CDKL5: variants seen among roughly 807,000 people sequenced by gnomAD.
CDKL5 encodes cyclin dependent kinase like 5, also known as cyclin-dependent kinase-like 5.
In CDKL5, 8 loss-of-function variants were observed where a neutral mutation model predicts 61.7. The ratio of observed to expected loss-of-function variants is 0.13; its 90% CI spans 0.08 to 0.23. The LOEUF is 0.23. Ranked by LOEUF, CDKL5 falls within the 10% of genes least tolerant of loss-of-function variation. CDKL5 has a pLI of 1.00. For synonymous variants in CDKL5, 275 were observed against 272.3 expected, an observed-to-expected ratio of 1.01 and a Z score of -0.10; for missense variants, 440 against 734.5, an observed-to-expected ratio of 0.60 and a Z score of 4.63.
At chrX:18,540,200 C>T (rs1231065760) in intron 3 of CDKL5, among the ~76,000 whole-genome samples, 4 of 110,814 alleles carry the variant, frequency 3.6e-5, no homozygotes, top group African/African-American at 1.3e-4. Context: ...GACAGGGTCT[C>T]ATTTTGTCAC....
chrX:18,595,966 A>G (rs1217625243), intron 10 of CDKL5, among the ~76,000 whole-genome samples: 3 of 111,287 alleles, frequency 2.7e-5, no homozygotes, highest in African/African-American at 6.5e-5. Context: ...TTCCTGCTCT[A>G]TACTCTAAAA....
chrX:18,484,329 G>T lies in CDKL5; in HGVS notation c.-162-22606G>T, dbSNP rs762456677. ...TATGCATAATCAATTCTTTTTTTTT[G>T]GGGGGGGGACAGTCTCGCCCTGTCG... is the stretch of plus-strand genomic sequence containing the variant. On this transcript the variant is annotated intron_variant, in intron 1 of 17. Transcript: ENST00000623535. 2.4e-3 allele frequency among the ~76,000 whole-genome samples: 244 copies of T among 100,593 alleles called. 5 individuals are homozygous for T. Among genetic ancestry groups the T allele is most frequent in the Admixed American group, 5.2e-3 (50 of 9,528 alleles). 87.4% of individuals were successfully genotyped at this position (100,593 alleles called of 115,157 possible).
intron 17 of CDKL5, among the ~76,000 whole-genome samples, chrX:18,625,670 A>G (rs1233121490): frequency 8.9e-6 from 1 of 112,205 alleles, no homozygotes; most frequent in Non-Finnish European, 1.9e-5. Flanking sequence ...GACAGGTATG[A>G]TAAGTTTTCT....
chrX:18,561,656 C>G (rs186126293), intron 3 of CDKL5, among the ~76,000 whole-genome samples: 1 of 110,236 alleles, frequency 9.1e-6, no homozygotes, highest in African/African-American at 3.3e-5. Flanking sequence ...CTAGAGTCCA[C>G]TAGAAATCTC....
At chrX:18,556,361 A>G (rs1376996116) in intron 3 of CDKL5, among the ~76,000 whole-genome samples, 2 of 111,754 alleles carry the variant, frequency 1.8e-5, no homozygotes, top group Non-Finnish European at 3.8e-5. Context: ...AACAAAATTT[A>G]CATACACATG....
intron 1 of CDKL5, among the ~76,000 whole-genome samples, chrX:18,504,583 G>A: frequency 8.9e-6 from 1 of 111,796 alleles, no homozygotes; most frequent in South Asian, 3.7e-4. Flanking sequence ...TCAGTGTATG[G>A]AAGGGCACTC....
chrX:18,579,735 T>TAA, intron 5 of CDKL5, 113 bp from the exon 6 acceptor site: 4 of 647,184 alleles, frequency 6.2e-6, no homozygotes, highest in Non-Finnish European at 7.0e-6. Context: ...GCAAAACAAT[T>TAA]AAAAAAAAAA....
At chrX:18,574,027 C>T (rs7876407) in intron 4 of CDKL5, among the ~76,000 whole-genome samples, 1,897 of 111,017 alleles carry the variant, frequency 0.017, 49 homozygotes, top group African/African-American at 0.058. Context: ...GTTAGAGAGC[C>T]TTTCTTCTAG....
intron 1 of CDKL5, among the ~76,000 whole-genome samples, chrX:18,447,484 C>A (rs1317767280): frequency 9.0e-6 from 1 of 111,674 alleles, no homozygotes; most frequent in Non-Finnish European, 1.9e-5. Flanking sequence ...CCCACCCCCA[C>A]CGCTGCTTAA....
intron 1 of CDKL5, among the ~76,000 whole-genome samples, chrX:18,464,350 A>G (rs1407622001): frequency 9.0e-6 from 1 of 111,048 alleles, no homozygotes; most frequent in Non-Finnish European, 1.9e-5. Context: ...CTAAAGTACT[A>G]GAATTACAGA....
intron 5 of CDKL5, among the ~76,000 whole-genome samples, chrX:18,575,758 GTAATTTT>G: frequency 8.9e-6 from 1 of 112,324 alleles, no homozygotes; most frequent in East Asian, 2.8e-4. Context: ...TGTTCAACAA[GTAATTTT>G]TAGACTTGAC....
chrX:18,509,722 C>T (rs928286185), intron 2 of CDKL5, among the ~76,000 whole-genome samples: 4 of 111,758 alleles, frequency 3.6e-5, no homozygotes, highest in African/African-American at 9.8e-5. Flanking sequence ...AAGGTAGTTA[C>T]TTGTTGAAAT....
intron 3 of CDKL5, among the ~76,000 whole-genome samples, chrX:18,519,047 A>G (rs1433932751): frequency 9.0e-6 from 1 of 111,264 alleles, no homozygotes; most frequent in Non-Finnish European, 1.9e-5. Flanking sequence ...GATGGATTGT[A>G]GAACCTTCCC....
intron 17 of CDKL5, 143 bp downstream of exon 17, chrX:18,625,390 G>A (rs1927010286): frequency 3.3e-6 from 2 of 613,060 alleles, no homozygotes; most frequent in African/African-American, 4.4e-5. Context: ...CTCAGTTATA[G>A]CCAGATGCAT....
At chrX:18,508,302 A>G (rs1448425940) in intron 2 of CDKL5, among the ~76,000 whole-genome samples, 1 of 112,681 alleles carries the variant, frequency 8.9e-6, no homozygotes, top group Non-Finnish European at 1.9e-5. Flanking sequence ...TTTCAAATAC[A>G]TAGAAACAAT....
At chrX:18,651,671 G>A (rs1382810383) in intron 21 of CDKL5, among the ~76,000 whole-genome samples, 3 of 111,354 alleles carry the variant, frequency 2.7e-5, no homozygotes, top group African/African-American at 9.8e-5. Context: ...GTCTAAATAG[G>A]GAGAAAAGAC....
At chrX:18,535,796 A>T in intron 3 of CDKL5, 1 of 120,031 alleles carries the variant, frequency 8.3e-6, no homozygotes, top group Admixed American at 8.6e-5. Flanking sequence ...AAGGATCAGG[A>T]GAGTGATACA....
intron 20 of CDKL5, among the ~76,000 whole-genome samples, chrX:18,649,853 G>T (rs147249239): frequency 8.9e-6 from 1 of 112,036 alleles, no homozygotes; most frequent in Non-Finnish European, 1.9e-5. Context: ...GAGCGATCAG[G>T]GGGAGGGGCA....
In CDKL5 at chrX:18,639,694, A is replaced by G. The variant is rs979816011; in HGVS notation, c.*10937A>G. ...CACACATCCGCACAAAAACTTATAC[A>G]CAAATGTTCATAGCAGCATTATTCA... On this transcript the variant is annotated 3_prime_UTR_variant, in exon 18 of 18. Transcript: ENST00000623535. 3.6e-5 allele frequency among the ~76,000 whole-genome samples: 4 copies of G among 112,422 alleles called. No individual in the cohort carries two copies. Among genetic ancestry groups the G allele is most frequent in the Non-Finnish European group, 5.6e-5 (3 of 53,325 alleles).
Sources: allele counts gnomAD v4.1 joint callset (sites outside exome capture counted in the v4.1 genomes callset), GRCh38; gene constraint gnomAD v4.1.1; transcripts MANE v1.5; gene names NCBI Gene and HGNC (gene_info 2026-07-23, HGNC 2026-07-21).